The following MAP2K1 variants were observed in gnomAD, a reference collection of about 807,000 sequenced individuals.
The protein encoded by MAP2K1 is dual specificity mitogen-activated protein kinase kinase 1.
Under a neutral mutation model 46.3 loss-of-function variants are expected in MAP2K1, and 16 were observed. The ratio of observed to expected loss-of-function variants is 0.35; its 90% CI spans 0.23 to 0.52. The LOEUF is 0.52. MAP2K1 is among the 20% of genes least tolerant of loss of function. The pLI, the probability that MAP2K1 is intolerant of heterozygous loss-of-function variation, is 0.94. For missense variants in MAP2K1, 263 were observed against 497.1 expected, an observed-to-expected ratio of 0.53 and a Z score of 4.48; for synonymous variants, 183 against 185.6, an observed-to-expected ratio of 0.99 and a Z score of 0.11.
At chr15:66,427,653 A>T (rs1040174177) in intron 1 of MAP2K1, among the ~76,000 whole-genome samples, 1 of 152,108 alleles carries the variant, frequency 6.6e-6, no homozygotes, top group Admixed American at 6.6e-5. Flanking sequence ...GTCTCCTGAC[A>T]ACCCCAAGAT....
At chr15:66,461,493 T>TAAATA (rs1193754332) in intron 5 of MAP2K1, among the ~76,000 whole-genome samples, 2 of 149,260 alleles carry the variant, frequency 1.3e-5, no homozygotes, top group Non-Finnish European at 3.0e-5. Flanking sequence ...AATAAATAAA[T>TAAATA]AAATAAATAA....
intron 6 of MAP2K1, among the ~76,000 whole-genome samples, chr15:66,482,446 T>C (rs1043034272): frequency 4.6e-5 from 7 of 152,098 alleles, no homozygotes; most frequent in African/African-American, 1.7e-4. Context: ...TACCCCTCCT[T>C]CTAACTGCAG....
chr15:66,420,891 A>ATGTGTG (rs1225233541), intron 1 of MAP2K1, among the ~76,000 whole-genome samples: 11 of 125,680 alleles, frequency 8.8e-5, no homozygotes, highest in African/African-American at 2.9e-4. Flanking sequence ...ATGTGTATAT[A>ATGTGTG]TACACATACA....
chr15:66,475,785 C>G (rs1225058659), intron 5 of MAP2K1, among the ~76,000 whole-genome samples: 2 of 152,162 alleles, frequency 1.3e-5, no homozygotes, highest in East Asian at 1.9e-4. Flanking sequence ...TTTGCCCTTA[C>G]ACGTGCACAT....
chr15:66,387,406 T>C lies in MAP2K1; in HGVS notation c.59T>C (p.Val20Ala). The change falls in exon 1 of 11, where the codon GTT becomes GCT. Residue 20 changes from valine to alanine, a missense_variant. Transcript: ENST00000307102. ...AACCCGGCCCCCGACGGCTCTGCAG[T>C]TAACGGGACCAGCTCTGCGGAGTAA... ...QLNPAPDGSAVNGTSSAETNL... is the reference protein window; with the variant it reads ...QLNPAPDGSAANGTSSAETNL... 6.4e-7 allele frequency: 1 copy of C among 1,562,798 alleles called. No homozygotes were observed. Among genetic ancestry groups the C allele is most frequent in the Non-Finnish European group, 8.7e-7 (1 of 1,152,832 alleles).
At chr15:66,396,643 A>T (rs914301504) in intron 1 of MAP2K1, among the ~76,000 whole-genome samples, 2 of 152,042 alleles carry the variant, frequency 1.3e-5, no homozygotes, top group Admixed American at 1.3e-4. Flanking sequence ...GAGCAACTCC[A>T]TGCCATGCTC....
chr15:66,481,184 A>G (rs1892904952), intron 5 of MAP2K1, among the ~76,000 whole-genome samples: 1 of 151,692 alleles, frequency 6.6e-6, no homozygotes, highest in Non-Finnish European at 1.5e-5. Context: ...TAGGTGAGTG[A>G]CTCCAGTGGA....
chr15:66,420,438 A>G (rs914996281), intron 1 of MAP2K1, among the ~76,000 whole-genome samples: 16 of 151,112 alleles, frequency 1.1e-4, no homozygotes, highest in African/African-American at 3.9e-4. Flanking sequence ...ATGGTGGCCC[A>G]GCTACCCCAA....
At chr15:66,416,411 G>A (rs531166621) in intron 1 of MAP2K1, among the ~76,000 whole-genome samples, 1 of 151,648 alleles carries the variant, frequency 6.6e-6, no homozygotes, top group East Asian at 1.9e-4. Context: ...GTGAGGACAG[G>A]GATCTTGTTG....
chr15:66,469,637 A>G lies in MAP2K1; in HGVS notation c.569-12118A>G, dbSNP rs139308249. 1.9e-4 allele frequency among the ~76,000 whole-genome samples: 28 copies of G among 150,006 alleles called. No homozygotes were observed. The East Asian group carries it at 5.5e-3, about 30-fold the overall frequency. On this transcript the variant is annotated intron_variant, in intron 5 of 10. Coordinates refer to ENST00000307102, the MANE Select transcript of MAP2K1 (RefSeq NM_002755.4). ...AGAAGAAGAAAAATTTGTCTCAAAA[A>G]AAGACAGGGTCCTAGACAGAGAAAA...
rs969954069 is a variant in MAP2K1, at chr15:66,386,983, G to A, written c.-365G>A. The A allele has an allele frequency of 1.1e-5, 3 of 274,792 alleles. No individual in the cohort carries two copies. The highest frequency in any genetic ancestry group is 2.0e-5 in the Non-Finnish European group (3 of 147,384). 17.0% of individuals were successfully genotyped at this position (274,792 alleles called of 1,614,324 possible). On this transcript the variant is annotated 5_prime_UTR_variant, in exon 1 of 11. Transcript: ENST00000307102. ...GGCGGCACTTTCCCCGGCAGGAGCT[G>A]GAGCTGGGCTCTGGTGCGCGCGCGG...
intron 5 of MAP2K1, among the ~76,000 whole-genome samples, chr15:66,457,688 A>G (rs1310057388): frequency 6.6e-6 from 1 of 151,678 alleles, no homozygotes; most frequent in Non-Finnish European, 1.5e-5. Flanking sequence ...GCACAAAACT[A>G]TGGTGGCTGT....
intron 5 of MAP2K1, among the ~76,000 whole-genome samples, chr15:66,449,686 G>T (rs769568808): frequency 5.3e-5 from 8 of 152,138 alleles, no homozygotes; most frequent in Non-Finnish European, 1.0e-4. Context: ...TTTGAGACCA[G>T]CCTGGCCAAC....
intron 5 of MAP2K1, among the ~76,000 whole-genome samples, chr15:66,455,888 G>T (rs1490037423): frequency 6.6e-6 from 1 of 152,154 alleles, no homozygotes; most frequent in Non-Finnish European, 1.5e-5. Context: ...TTTCCCCTGG[G>T]TGTTCAAAGG....
At chr15:66,483,875 G>A (rs1892973644) in intron 6 of MAP2K1, among the ~76,000 whole-genome samples, 1 of 150,754 alleles carries the variant, frequency 6.6e-6, no homozygotes, top group Admixed American at 6.7e-5. Flanking sequence ...ATCCTCCCGA[G>A]TAGCTGGAAC....
intron 5 of MAP2K1, among the ~76,000 whole-genome samples, chr15:66,470,248 A>T (rs576292366): frequency 6.6e-6 from 1 of 152,254 alleles, no homozygotes; most frequent in East Asian, 1.9e-4. Flanking sequence ...AAGAAACAGT[A>T]AAGCAAAACA....
At chr15:66,409,151 G>A (rs1204347984) in intron 1 of MAP2K1, among the ~76,000 whole-genome samples, 2 of 152,048 alleles carry the variant, frequency 1.3e-5, no homozygotes, top group Non-Finnish European at 2.9e-5. Flanking sequence ...GCCACATGAG[G>A]CATGTGGGAT....
In MAP2K1 at chr15:66,489,766, G is replaced by A; in HGVS notation, c.1068+3G>A. 6.2e-7 allele frequency: 1 copy of A among 1,612,354 alleles called. No homozygotes were observed. Among genetic ancestry groups the A allele is most frequent in the African/African-American group, 1.3e-5 (1 of 75,012 alleles). On this transcript the variant is annotated splice_donor_region_variant and intron_variant, in intron 10 of 10. Coordinates refer to ENST00000307102, the MANE Select transcript of MAP2K1 (RefSeq NM_002755.4). ...GAGCAGATTTGAAGCAACTCATGGTGAGTCTATTTATTCCGGATTCTTACA... is the reference window on the plus strand; with the variant it reads ...GAGCAGATTTGAAGCAACTCATGGTAAGTCTATTTATTCCGGATTCTTACA...
intron 5 of MAP2K1, among the ~76,000 whole-genome samples, chr15:66,461,001 C>G (rs1356077263): frequency 6.6e-6 from 1 of 152,134 alleles, no homozygotes. Context: ...ATCACAAAGC[C>G]TCATTTCTAA....
Sources: allele counts gnomAD v4.1 joint callset (sites outside exome capture counted in the v4.1 genomes callset), GRCh38; gene constraint gnomAD v4.1.1; transcripts MANE v1.5; gene names NCBI Gene and HGNC (gene_info 2026-07-23, HGNC 2026-07-21).